Variants in LPP observed in about 807,000 individuals in gnomAD.
LPP encodes LIM domain containing preferred translocation partner in lipoma.
LPP carries 38 observed loss-of-function variants against 60.4 expected under a neutral mutation model. That is an observed-to-expected ratio of 0.63 (90% CI 0.49 to 0.83). The LOEUF (loss-of-function observed/expected upper bound fraction) is 0.83, where lower values mean the gene tolerates loss of function less well. Among genes scored for constraint, LPP ranks in the 40% least tolerant of loss-of-function variants. The probability of loss-of-function intolerance (pLI) is 0.00; values close to 1 mark genes in which losing one functional copy is unlikely to be tolerated. For synonymous variants in LPP, 328 were observed against 290.8 expected (o/e 1.13, Z -1.30); for missense variants, 902 against 783.6 (o/e 1.15, Z -1.80).
chr3:188,262,829 T>A (rs950481966), intron 2 of LPP, among the ~76,000 whole-genome samples: 1 of 151,434 alleles, frequency 6.6e-6, no homozygotes, highest in Non-Finnish European at 1.5e-5. Context: ...TCTGAAATCA[T>A]GTTAAAAAAA....
chr3:188,870,731 G>A (rs1767890514), intron 10 of LPP, among the ~76,000 whole-genome samples: 1 of 152,184 alleles, frequency 6.6e-6, no homozygotes, highest in African/African-American at 2.4e-5. Flanking sequence ...ACCTGGGATT[G>A]TGAGCCCTCC....
At chr3:188,659,430 G>A (rs543621957) in intron 7 of LPP, among the ~76,000 whole-genome samples, 4 of 152,230 alleles carry the variant, frequency 2.6e-5, no homozygotes, top group East Asian at 1.9e-4. Context: ...CAAGTAAGCC[G>A]GTAAATATAG....
At chr3:188,510,729 G>C (rs1030866194) in intron 5 of LPP, among the ~76,000 whole-genome samples, 2 of 152,134 alleles carry the variant, frequency 1.3e-5, no homozygotes, top group Non-Finnish European at 2.9e-5. Context: ...AAGAACACTC[G>C]TGTTTGCCAA....
chr3:188,781,762 G>T (rs1216362508), intron 9 of LPP, among the ~76,000 whole-genome samples: 1 of 151,466 alleles, frequency 6.6e-6, no homozygotes, highest in Non-Finnish European at 1.5e-5. Flanking sequence ...CATGGTGGCG[G>T]GTGCCTGTAG....
intron 4 of LPP, among the ~76,000 whole-genome samples, chr3:188,433,599 T>TGTGA (rs1553897242): frequency 7.3e-6 from 1 of 137,452 alleles, no homozygotes; most frequent in African/African-American, 2.7e-5. Flanking sequence ...AGACAGAAAG[T>TGTGA]GAGAGAGAGA....
intron 8 of LPP, among the ~76,000 whole-genome samples, chr3:188,739,762 G>A (rs1268524399): frequency 6.6e-6 from 1 of 152,026 alleles, no homozygotes. Flanking sequence ...ACAATTGTCT[G>A]TAGTTGCAGT....
At chr3:188,241,270 G>T (rs1424162746) in intron 2 of LPP, among the ~76,000 whole-genome samples, 1 of 152,234 alleles carries the variant, frequency 6.6e-6, no homozygotes, top group Non-Finnish European at 1.5e-5. Flanking sequence ...TGAAGTACAT[G>T]CTGTACGTTT....
intron 7 of LPP, among the ~76,000 whole-genome samples, chr3:188,696,997 T>C (rs2149532765): frequency 6.6e-6 from 1 of 152,330 alleles, no homozygotes; most frequent in Non-Finnish European, 1.5e-5. Flanking sequence ...TTTTCTCTTC[T>C]TTGGCTATAA....
intron 2 of LPP, among the ~76,000 whole-genome samples, chr3:188,304,621 G>C (rs1486409722): frequency 3.3e-5 from 5 of 152,032 alleles, no homozygotes; most frequent in Non-Finnish European, 5.9e-5. Context: ...CCAAATAAAG[G>C]CTGAGCTCTG....
intron 1 of LPP, among the ~76,000 whole-genome samples, chr3:188,173,760 G>T (rs1292852202): frequency 6.6e-6 from 1 of 152,136 alleles, no homozygotes; most frequent in Non-Finnish European, 1.5e-5. Context: ...TAGGGGAAGA[G>T]ACTGAGGCCC....
intron 7 of LPP, among the ~76,000 whole-genome samples, chr3:188,628,618 AC>A (rs1031645970): frequency 6.6e-6 from 1 of 152,098 alleles, no homozygotes; most frequent in African/African-American, 2.4e-5. Flanking sequence ...AAACCTACCA[AC>A]CAGTAAAAGT....
chr3:188,635,119 C>T (rs182515471), intron 7 of LPP, among the ~76,000 whole-genome samples: 1 of 152,074 alleles, frequency 6.6e-6, no homozygotes, highest in Admixed American at 6.5e-5. Context: ...TTTATGGGCT[C>T]CATGTTTAAA....
At chr3:188,453,161 C>T (rs1019111836) in intron 4 of LPP, among the ~76,000 whole-genome samples, 5 of 152,078 alleles carry the variant, frequency 3.3e-5, no homozygotes, top group Non-Finnish European at 5.9e-5. Flanking sequence ...CCTTAGGTTC[C>T]GGATTCATAC....
At chr3:188,267,283 C>A (rs1577697826) in intron 2 of LPP, among the ~76,000 whole-genome samples, 1 of 152,150 alleles carries the variant, frequency 6.6e-6, no homozygotes, top group Non-Finnish European at 1.5e-5. Context: ...GCTTTCTTGT[C>A]CTCTTTTGGT....
At chr3:188,594,811 TGAAAG>T (rs1839662256) in intron 6 of LPP, among the ~76,000 whole-genome samples, 1 of 152,176 alleles carries the variant, frequency 6.6e-6, no homozygotes, top group Admixed American at 6.6e-5. Flanking sequence ...TAAAAGAAAA[TGAAAG>T]GAGAAAAAAG....
intron 6 of LPP, among the ~76,000 whole-genome samples, chr3:188,530,527 C>T (rs1331497278): frequency 3.3e-5 from 5 of 152,138 alleles, no homozygotes; most frequent in East Asian, 1.9e-4. Context: ...TCTTATTCTA[C>T]AGATGGAAAG....
At chr3:188,848,691 G>C (rs1381000796) in intron 9 of LPP, among the ~76,000 whole-genome samples, 1 of 152,224 alleles carries the variant, frequency 6.6e-6, no homozygotes, top group African/African-American at 2.4e-5. Flanking sequence ...ATTAAGGATG[G>C]ATGCAGTGGC....
intron 1 of LPP, among the ~76,000 whole-genome samples, chr3:188,211,945 G>A (rs1291024161): frequency 3.3e-5 from 5 of 151,878 alleles, no homozygotes; most frequent in Admixed American, 1.3e-4. Flanking sequence ...TGCAACCTCC[G>A]CCTCCCGGGT....
Position 188,406,152 on chromosome 3 carries a change from G to C in LPP, c.32G>C (p.Ser11Thr), listed in dbSNP as rs147232499. 6.2e-7 allele frequency: 1 copy of C among 1,613,638 alleles called. No individual in the cohort carries two copies. Among genetic ancestry groups the C allele is most frequent in the African/African-American group, 1.3e-5 (1 of 74,892 alleles). Residue 11 changes from serine (S) to threonine (T), a missense_variant, in exon 4 of 12, where the codon AGC becomes ACC. Ser to Thr is a moderately conservative substitution (Grantham distance 58). Coordinates refer to ENST00000617246, the MANE Select transcript of LPP (RefSeq NM_001375462.1). Reference protein sequence around the residue: MSHPSWLPPKSTGEPLGHVPA... With the variant: MSHPSWLPPKTTGEPLGHVPA... Reference sequence around the variant, plus strand: ...CACCCATCTTGGCTGCCACCCAAAAGCACTGGTGAGCCCCTCGGCCATGTG... The same window carrying C: ...CACCCATCTTGGCTGCCACCCAAAACCACTGGTGAGCCCCTCGGCCATGTG...
Sources: gnomAD v4.1 joint callset for allele counts (sites outside exome capture counted in the v4.1 genomes callset) on GRCh38, gnomAD v4.1.1 for gene constraint, MANE v1.5 for transcripts, NCBI Gene and HGNC (gene_info 2026-07-23, HGNC 2026-07-21) for gene names.